STYK1: variants seen among roughly 807,000 people sequenced by gnomAD.
STYK1 encodes tyrosine-protein kinase STYK1.
In STYK1, 46 loss-of-function variants were observed where a neutral mutation model predicts 48.1. That is an observed-to-expected ratio of 0.96 (90% CI 0.75 to 1.22). The LOEUF is 1.22. Ranked by LOEUF, STYK1 falls within the 50% of genes most tolerant of loss-of-function variation. The pLI, the probability that STYK1 is intolerant of heterozygous loss-of-function variation, is 0.00. For missense variants in STYK1, 527 were observed against 521.1 expected (o/e 1.01, Z -0.11); for synonymous variants, 188 against 189.0 (o/e 0.99, Z 0.04).
intron 1 of STYK1, among the ~76,000 whole-genome samples, chr12:10,657,902 A>T (rs1051958738): frequency 6.6e-6 from 1 of 152,248 alleles, no homozygotes; most frequent in African/African-American, 2.4e-5. Context: ...AGGAAAGTGA[A>T]ATGTGTTTTT....
chr12:10,655,223 T>C (rs1053623424), intron 1 of STYK1, among the ~76,000 whole-genome samples: 4 of 152,336 alleles, frequency 2.6e-5, no homozygotes, highest in Non-Finnish European at 4.4e-5. Flanking sequence ...TGGGACTCCA[T>C]AAGCTAGATA....
At chr12:10,647,461 T>C (rs1947613033) in intron 1 of STYK1, among the ~76,000 whole-genome samples, 2 of 152,246 alleles carry the variant, frequency 1.3e-5, no homozygotes, top group African/African-American at 4.8e-5. Context: ...ACAATGTCTA[T>C]ATCCCCATTG....
chr12:10,619,969 T>A lies in STYK1; in HGVS notation c.*175A>T. The A allele has an allele frequency of 1.4e-6, 1 of 691,960 alleles. No individual in the cohort carries two copies. Among genetic ancestry groups the A allele is most frequent in the Non-Finnish European group, 2.5e-6 (1 of 407,784 alleles). The allele number at this position is 691,960 out of a possible 1,614,324, so 42.9% of individuals were successfully genotyped here. On this transcript the variant is annotated 3_prime_UTR_variant, in exon 11 of 11. Transcript: ENST00000075503. Reference sequence around the variant, plus strand: ...ACTGACAGTATGTCTTAGCTCAGGATGTGTAGAGTCCCATCCAGCATCATT... The same window carrying A: ...ACTGACAGTATGTCTTAGCTCAGGAAGTGTAGAGTCCCATCCAGCATCATT...
intron 8 of STYK1, among the ~76,000 whole-genome samples, chr12:10,623,949 T>C (rs1947327498): frequency 1.3e-5 from 2 of 152,224 alleles, no homozygotes; most frequent in Admixed American, 6.5e-5. Context: ...AGTTTTATGT[T>C]AAAATAAGTT....
At chr12:10,629,353 A>C in intron 6 of STYK1, 140 bp downstream of exon 6, 1 of 840,922 alleles carries the variant, frequency 1.2e-6, no homozygotes, top group Admixed American at 2.7e-5. Context: ...AAAAAGTTCT[A>C]TTATATGGTC....
At chr12:10,647,296 C>A (rs1298476337) in intron 1 of STYK1, among the ~76,000 whole-genome samples, 1 of 152,224 alleles carries the variant, frequency 6.6e-6, no homozygotes, top group Non-Finnish European at 1.5e-5. Flanking sequence ...CATGGGAACC[C>A]CCCTCTGGAA....
At chr12:10,621,746 T>C in intron 10 of STYK1, 130 bp downstream of exon 10, 1 of 691,678 alleles carries the variant, frequency 1.4e-6, no homozygotes, top group Non-Finnish European at 2.5e-6. Flanking sequence ...TGCATGGGTT[T>C]GGTTAAAAGC....
chr12:10,634,701 G>A lies in STYK1; in HGVS notation c.-68-15C>T, dbSNP rs1947467219. On this transcript the variant is annotated splice_polypyrimidine_tract_variant and intron_variant, in intron 2 of 10. Coordinates refer to ENST00000075503, the MANE Select transcript of STYK1 (RefSeq NM_018423.3). ...GTGAGTAATTCCTAAGGATTGAGTG[G>A]TTTTTGAAAAAAATAAAATGAATGA... is the stretch of plus-strand genomic sequence containing the variant. The A allele has an allele frequency of 1.3e-6, 2 of 1,494,744 alleles. No homozygotes were observed. Among genetic ancestry groups the A allele is most frequent in the Non-Finnish European group, 9.2e-7 (1 of 1,092,640 alleles). The allele number at this position is 1,494,744 out of a possible 1,614,324, so 92.6% of individuals were successfully genotyped here.
intron 8 of STYK1, among the ~76,000 whole-genome samples, chr12:10,623,304 G>T (rs915704175): frequency 3.3e-4 from 51 of 152,326 alleles, no homozygotes; most frequent in African/African-American, 1.2e-3. Flanking sequence ...AAAAGCAGAT[G>T]TCAGTGAAGC....
chr12:10,647,294 C>G (rs1419203209), intron 1 of STYK1, among the ~76,000 whole-genome samples: 1 of 152,198 alleles, frequency 6.6e-6, no homozygotes, highest in Non-Finnish European at 1.5e-5. Context: ...ACCATGGGAA[C>G]CCCCCTCTGG....
intron 1 of STYK1, among the ~76,000 whole-genome samples, chr12:10,663,254 T>C (rs1947796277): frequency 6.6e-6 from 1 of 152,092 alleles, no homozygotes; most frequent in South Asian, 2.1e-4. Flanking sequence ...GCTGGGATTA[T>C]AGACACGTGC....
chr12:10,669,823 G>C (rs1947873509), intron 1 of STYK1, among the ~76,000 whole-genome samples: 1 of 152,136 alleles, frequency 6.6e-6, no homozygotes, highest in Non-Finnish European at 1.5e-5. Context: ...CAAAGGACCT[G>C]AATAGACATT....
intron 8 of STYK1, 48 bp from the exon 9 acceptor site, chr12:10,622,726 T>C: frequency 6.2e-7 from 1 of 1,609,554 alleles, no homozygotes; most frequent in Non-Finnish European, 8.5e-7. Context: ...TCTGTTTTTC[T>C]AAAGAGAGCT....
At chr12:10,642,778 G>T (rs1158439241) in intron 1 of STYK1, among the ~76,000 whole-genome samples, 1 of 152,154 alleles carries the variant, frequency 6.6e-6, no homozygotes, top group African/African-American at 2.4e-5. Context: ...TAACAATCAT[G>T]TTGAGAAAGA....
intron 1 of STYK1, among the ~76,000 whole-genome samples, chr12:10,646,495 C>A (rs939481531): frequency 6.6e-6 from 1 of 152,170 alleles, no homozygotes; most frequent in African/African-American, 2.4e-5. Context: ...CAAGAGGTGA[C>A]TTGGGTGCTG....
At chr12:10,645,996 C>A (rs1475488183) in intron 1 of STYK1, among the ~76,000 whole-genome samples, 1 of 152,190 alleles carries the variant, frequency 6.6e-6, no homozygotes, top group Non-Finnish European at 1.5e-5. Context: ...ATTGGGAGGC[C>A]TCCCTAGTCA....
At chr12:10,642,869 G>T (rs1319998395) in intron 1 of STYK1, among the ~76,000 whole-genome samples, 1 of 152,148 alleles carries the variant, frequency 6.6e-6, no homozygotes, top group Non-Finnish European at 1.5e-5. Flanking sequence ...ATAGTGGTAT[G>T]GTATTCATCA....
chr12:10,638,313 T>A (rs1191578457), intron 1 of STYK1, among the ~76,000 whole-genome samples: 1 of 152,226 alleles, frequency 6.6e-6, no homozygotes, highest in African/African-American at 2.4e-5. Context: ...ATTTCTCTTA[T>A]CAGTTGCTTC....
intron 1 of STYK1, among the ~76,000 whole-genome samples, chr12:10,673,360 G>C (rs558917565): frequency 3.9e-5 from 6 of 152,048 alleles, no homozygotes; most frequent in African/African-American, 1.4e-4. Context: ...CTGAGTGACA[G>C]AGCAAGACTC....
Sources: allele counts gnomAD v4.1 joint callset (sites outside exome capture counted in the v4.1 genomes callset), GRCh38; gene constraint gnomAD v4.1.1; transcripts MANE v1.5; gene names NCBI Gene and HGNC (gene_info 2026-07-23, HGNC 2026-07-21).